The following TDRD10 variants were observed in gnomAD, a reference collection of about 807,000 sequenced individuals.
The protein encoded by TDRD10 is tudor domain containing 10, also known as tudor domain-containing protein 10.
TDRD10 carries 40 observed loss-of-function variants against 48.0 expected under a neutral mutation model. The observed-to-expected ratio is 0.83, with a 90% confidence interval of 0.65 to 1.09. The LOEUF is 1.09. TDRD10 is among the 50% of genes least tolerant of loss of function. TDRD10 has a pLI of 0.00. For missense variants in TDRD10, 378 were observed against 434.7 expected (o/e 0.87, Z 1.16); for synonymous variants, 162 against 170.4 (o/e 0.95, Z 0.38).
At chr1:154,533,018 G>A (rs1461571546) in intron 6 of TDRD10, among the ~76,000 whole-genome samples, 1 of 152,202 alleles carries the variant, frequency 6.6e-6, no homozygotes, top group Non-Finnish European at 1.5e-5. Context: ...TGTGAGGTGG[G>A]TATGGAAGTC....
At chr1:154,545,653 C>T (rs1695507436) in intron 11 of TDRD10, among the ~76,000 whole-genome samples, 1 of 151,962 alleles carries the variant, frequency 6.6e-6, no homozygotes, top group Admixed American at 6.6e-5. Context: ...TAACTCATAG[C>T]AGCCTCAAAC....
intron 1 of TDRD10, among the ~76,000 whole-genome samples, chr1:154,503,667 A>C (rs900906339): frequency 1.3e-5 from 2 of 152,184 alleles, no homozygotes; most frequent in African/African-American, 4.8e-5. Flanking sequence ...ACTGAACGGA[A>C]ATCTTTTGGT....
In TDRD10 at chr1:154,507,270, C is replaced by T. The variant is rs1261328521; in HGVS notation, c.32C>T (p.Ser11Phe). 5.0e-6 allele frequency: 8 copies of T among 1,614,012 alleles called. No individual in the cohort carries two copies. Among genetic ancestry groups the T allele is most frequent in the African/African-American group, 4.0e-5 (3 of 74,912 alleles). Reference sequence around the variant, plus strand: ...TGGAACATTAGTCACCCCCAACTCTCTGATAAACTGTTTGGGAAGAATGGA... The same window carrying T: ...TGGAACATTAGTCACCCCCAACTCTTTGATAAACTGTTTGGGAAGAATGGA... MSWNISHPQL[S>F]DKLFGKNGVL... The change falls in exon 3 of 13, where the codon TCT becomes TTT. Residue 11 changes from serine to phenylalanine, a missense_variant. Coordinates refer to ENST00000368482, the MANE Select transcript of TDRD10 (RefSeq NM_182499.4).
intron 4 of TDRD10, among the ~76,000 whole-genome samples, chr1:154,517,293 T>C (rs1365769157): frequency 6.6e-6 from 1 of 152,260 alleles, no homozygotes; most frequent in East Asian, 1.9e-4. Context: ...CATGTTGGCA[T>C]GTGCAGCTCT....
At position 154,544,362 on chromosome 1, in the gene TDRD10, C is replaced by T. The variant is rs750861146; in HGVS notation, c.652-10C>T. On this transcript the variant is annotated splice_polypyrimidine_tract_variant and intron_variant, in intron 9 of 12. Transcript: ENST00000368482. ...CAGGCAGTGGGGCCGTTGCGTTTTG[C>T]ACCCCACAGGCTCTGCACCAGAACA... 1 of 1,574,540 alleles carries T rather than the reference C, an allele frequency of 6.4e-7. No individual in the cohort carries two copies. The highest frequency in any genetic ancestry group is 1.9e-5 in the Admixed American group (1 of 52,298).
intron 6 of TDRD10, among the ~76,000 whole-genome samples, chr1:154,536,238 T>C (rs957177313): frequency 3.9e-5 from 6 of 152,050 alleles, no homozygotes; most frequent in Admixed American, 1.3e-4. Flanking sequence ...TAGCTGGGCG[T>C]GGTGGCACAT....
chr1:154,534,077 A>G (rs2149341989), intron 6 of TDRD10, among the ~76,000 whole-genome samples: 1 of 152,194 alleles, frequency 6.6e-6, no homozygotes, highest in East Asian at 1.9e-4. Context: ...TGACACATGA[A>G]AATTGTATGA....
chr1:154,529,086 G>T (rs1393633092), intron 6 of TDRD10, among the ~76,000 whole-genome samples: 5 of 148,484 alleles, frequency 3.4e-5, no homozygotes, highest in Non-Finnish European at 7.5e-5. Flanking sequence ...TTATAATGTT[G>T]TTTTTTTTTT....
chr1:154,544,012 T>A lies in TDRD10; in HGVS notation c.553T>A (p.Trp185Arg). ...LLRECFRDLS[W>R]LALIHSVRGE... is the part of the protein sequence containing the mutation. ...GAGGGAATGCTTCCGAGACCTGAGC[T>A]GGCTGGCACTCATCCATAGCGTCCG... The change falls in exon 9 of 13, where the codon TGG (tryptophan) becomes AGG (arginine). Residue 185 changes from tryptophan to arginine, a missense_variant. Physicochemically the swap from Trp to Arg is moderately radical, Grantham distance 101 (BLOSUM62 -3). Coordinates refer to ENST00000368482, the MANE Select transcript of TDRD10 (RefSeq NM_182499.4). 6.2e-7 allele frequency: 1 copy of A among 1,614,226 alleles called. No homozygotes were observed. Among genetic ancestry groups the A allele is most frequent in the Non-Finnish European group, 8.5e-7 (1 of 1,180,022 alleles).
chr1:154,525,538 T>C (rs1291535846), intron 6 of TDRD10, among the ~76,000 whole-genome samples: 1 of 152,216 alleles, frequency 6.6e-6, no homozygotes, highest in Non-Finnish European at 1.5e-5. Context: ...AAAGGTTGAA[T>C]ATTAATGAGC....
chr1:154,506,894 C>T lies in TDRD10; in HGVS notation c.-10C>T. Reference sequence around the variant, plus strand: ...TTTTGTAGGAGATCCTGTTGGAAAGCAACTGCAGCATGTAAGTCCCTTCCT... The same window carrying T: ...TTTTGTAGGAGATCCTGTTGGAAAGTAACTGCAGCATGTAAGTCCCTTCCT... On this transcript the variant is annotated 5_prime_UTR_variant, in exon 2 of 13. Coordinates refer to ENST00000368482, the MANE Select transcript of TDRD10 (RefSeq NM_182499.4). 1 of 1,614,178 alleles carries T rather than the reference C, an allele frequency of 6.2e-7. No homozygotes were observed. The highest frequency in any genetic ancestry group is 8.5e-7 in the Non-Finnish European group (1 of 1,180,018).
At chr1:154,520,188 C>T (rs921981766) in intron 4 of TDRD10, 116 bp from the exon 5 acceptor site, 4 of 728,206 alleles carry the variant, frequency 5.5e-6, no homozygotes, top group African/African-American at 3.5e-5. Flanking sequence ...CATAATAGAT[C>T]CTCATTAAGT....
chr1:154,526,417 ATTTTT>A lies in TDRD10; in HGVS notation c.369+4954_369+4958del, dbSNP rs58821375. ...ACAAAACCCAAAACAACTTTCACAG[ATTTTT>A]TTTTTTTTTTTTTTTGAGACAAAGT... On this transcript the variant is annotated intron_variant, in intron 6 of 12. Coordinates refer to ENST00000368482, the MANE Select transcript of TDRD10 (RefSeq NM_182499.4). Among the ~76,000 whole-genome samples, 53 of 133,130 alleles carry A rather than the reference ATTTTT, an allele frequency of 4.0e-4. No individual in the cohort carries two copies. The Middle Eastern group carries it at 0.016, about 39-fold the overall frequency. The allele number at this position is 133,130 out of a possible 152,430, so 87.3% of individuals were successfully genotyped here.
chr1:154,532,236 C>A (rs1191337461), intron 6 of TDRD10, among the ~76,000 whole-genome samples: 1 of 152,194 alleles, frequency 6.6e-6, no homozygotes, highest in African/African-American at 2.4e-5. Flanking sequence ...AAGCCCTGCC[C>A]TGCGGGGAGG....
chr1:154,537,614 G>T (rs186617918), intron 6 of TDRD10, among the ~76,000 whole-genome samples: 123 of 152,302 alleles, frequency 8.1e-4, no homozygotes, highest in African/African-American at 2.9e-3. Context: ...CTTGGAGGCT[G>T]CAGGTTGGGA....
Position 154,542,810 on chromosome 1 carries a change from G to T in TDRD10, c.492G>T (p.Pro164=). The change falls in exon 8 of 13, where the codon CCG becomes CCT. Residue 164 remains proline (P), a synonymous_variant. Transcript: ENST00000368482. The part of the protein sequence containing the change: ...EKLRAAFFAV[P]LEMRGSFLVL... ...TGAGGGCAGCCTTCTTTGCAGTCCCGTTGGAAATGAGGTGAGCAAGGTATA... is the reference window on the plus strand; with the variant it reads ...TGAGGGCAGCCTTCTTTGCAGTCCCTTTGGAAATGAGGTGAGCAAGGTATA... 1.2e-6 allele frequency: 2 copies of T among 1,613,518 alleles called. No homozygotes were observed. Among genetic ancestry groups the T allele is most frequent in the Non-Finnish European group, 1.7e-6 (2 of 1,179,660 alleles).
At chr1:154,543,906 C>G in intron 8 of TDRD10, 57 bp from the exon 9 acceptor site, 3 of 1,600,830 alleles carry the variant, frequency 1.9e-6, no homozygotes, top group African/African-American at 1.3e-5. Context: ...TCCAGTCGTT[C>G]CTTTCCTTGC....
intron 1 of TDRD10, among the ~76,000 whole-genome samples, chr1:154,504,703 C>A (rs768147290): frequency 1.3e-5 from 2 of 152,218 alleles, no homozygotes; most frequent in Non-Finnish European, 2.9e-5. Flanking sequence ...ATCCTTTGCT[C>A]ACTTTTTAAT....
intron 4 of TDRD10, among the ~76,000 whole-genome samples, chr1:154,518,405 C>T (rs1053593474): frequency 1.3e-5 from 2 of 151,882 alleles, no homozygotes; most frequent in African/African-American, 2.4e-5. Context: ...ATGTACCAAG[C>T]CTCCTTTCAA....
Sources: gnomAD v4.1 joint callset for allele counts (sites outside exome capture counted in the v4.1 genomes callset) on GRCh38, gnomAD v4.1.1 for gene constraint, MANE v1.5 for transcripts, NCBI Gene and HGNC (gene_info 2026-07-23, HGNC 2026-07-21) for gene names.